Variants in EYA2 observed in about 807,000 individuals in gnomAD.
The protein encoded by EYA2 is EYA transcriptional coactivator and phosphatase 2.
EYA2 carries 31 observed loss-of-function variants against 69.2 expected under a neutral mutation model. That is an observed-to-expected ratio of 0.45 (90% CI 0.34 to 0.60). The LOEUF (loss-of-function observed/expected upper bound fraction) is 0.60. Among genes scored for constraint, EYA2 ranks in the 20% least tolerant of loss-of-function variants. The pLI is 0.02. For synonymous variants in EYA2, 257 were observed against 279.4 expected, an observed-to-expected ratio of 0.92 and a Z score of 0.80; for missense variants, 622 against 701.2, an observed-to-expected ratio of 0.89 and a Z score of 1.28.
intron 9 of EYA2, among the ~76,000 whole-genome samples, chr20:47,105,492 G>A (rs1183750775): frequency 2.6e-5 from 4 of 152,100 alleles, no homozygotes; most frequent in Non-Finnish European, 5.9e-5. Context: ...GGGCATGATG[G>A]CAGGCACCTG....
chr20:46,931,344 AG>A (rs1394477379), intron 1 of EYA2, among the ~76,000 whole-genome samples: 2 of 152,092 alleles, frequency 1.3e-5, no homozygotes, highest in Non-Finnish European at 2.9e-5. Context: ...GTCTTAGAGG[AG>A]GGGCTGGTGT....
At chr20:46,900,269 G>C (rs779670254) in intron 1 of EYA2, among the ~76,000 whole-genome samples, 3 of 152,172 alleles carry the variant, frequency 2.0e-5, no homozygotes, top group Non-Finnish European at 2.9e-5. Context: ...AGGAACTGGA[G>C]GGTTTGACTA....
At chr20:46,950,299 G>A (rs1296632073) in intron 1 of EYA2, among the ~76,000 whole-genome samples, 2 of 152,184 alleles carry the variant, frequency 1.3e-5, no homozygotes, top group South Asian at 2.1e-4. Flanking sequence ...TCCCCTCTCA[G>A]ACAGAGACTC....
chr20:47,094,252 T>C (rs544198941), intron 8 of EYA2, among the ~76,000 whole-genome samples: 1 of 152,344 alleles, frequency 6.6e-6, no homozygotes, highest in South Asian at 2.1e-4. Context: ...TACTGAAATT[T>C]CTAAATTTAA....
chr20:47,001,208 C>T (rs777675833), intron 2 of EYA2, among the ~76,000 whole-genome samples: 14 of 151,992 alleles, frequency 9.2e-5, no homozygotes, highest in Non-Finnish European at 1.6e-4. Flanking sequence ...GTCATTTTTC[C>T]TTAACTGCAC....
intron 5 of EYA2, among the ~76,000 whole-genome samples, chr20:47,042,754 T>C (rs1036163154): frequency 6.6e-6 from 1 of 152,176 alleles, no homozygotes; most frequent in Admixed American, 6.5e-5. Flanking sequence ...ATGCCTCTTA[T>C]CACCTCATGG....
At chr20:47,119,417 T>C (rs2146555132) in intron 9 of EYA2, among the ~76,000 whole-genome samples, 1 of 152,270 alleles carries the variant, frequency 6.6e-6, no homozygotes, top group Non-Finnish European at 1.5e-5. Flanking sequence ...AAATATGCAG[T>C]CTCGGAGTGG....
At chr20:47,159,037 A>G (rs888757920) in intron 10 of EYA2, among the ~76,000 whole-genome samples, 4 of 152,082 alleles carry the variant, frequency 2.6e-5, no homozygotes, top group African/African-American at 9.6e-5. Flanking sequence ...TTGCATAAAT[A>G]AATAAGTGGG....
chr20:46,933,780 C>T (rs968744913), intron 1 of EYA2, among the ~76,000 whole-genome samples: 2 of 152,222 alleles, frequency 1.3e-5, no homozygotes, highest in Non-Finnish European at 2.9e-5. Context: ...GTGCTTTAGT[C>T]TTGCCTATGG....
intron 4 of EYA2, among the ~76,000 whole-genome samples, chr20:47,009,457 C>G (rs1219793601): frequency 6.6e-6 from 1 of 152,068 alleles, no homozygotes; most frequent in African/African-American, 2.4e-5. Context: ...ATTTTTTTCT[C>G]AATTTATTAT....
intron 1 of EYA2, among the ~76,000 whole-genome samples, chr20:46,986,726 G>A (rs909749778): frequency 2.6e-5 from 4 of 152,174 alleles, no homozygotes; most frequent in Non-Finnish European, 4.4e-5. Context: ...GTAACAGAAG[G>A]CGCAAGAGAG....
intron 10 of EYA2, among the ~76,000 whole-genome samples, chr20:47,156,033 C>CA (rs1295526418): frequency 5.2e-4 from 58 of 111,150 alleles, no homozygotes; most frequent in African/African-American, 2.1e-3. Context: ...TATATATATA[C>CA]ATACACACAC....
chr20:47,100,379 G>A (rs912226296), intron 9 of EYA2, among the ~76,000 whole-genome samples: 1 of 152,302 alleles, frequency 6.6e-6, no homozygotes, highest in African/African-American at 2.4e-5. Flanking sequence ...CCCTCTTAGG[G>A]GGGGTGGACA....
In EYA2 at chr20:47,023,642, T is replaced by TTTTG. The variant is rs778887131; in HGVS notation, c.415+7348_415+7349insGTTT. ...AGTTTGATTTTGGGTGTTTTTTTTT[T>TTTTG]TTTTTTTTTTTTGAAGACAGAGCCT... On this transcript the variant is annotated intron_variant, in intron 5 of 15. Coordinates refer to ENST00000327619, the MANE Select transcript of EYA2 (RefSeq NM_005244.5). 2.5e-3 allele frequency among the ~76,000 whole-genome samples: 227 copies of TTTTG among 92,180 alleles called. 1 individual carries two copies. The highest frequency in any genetic ancestry group is 4.4e-3 in the Non-Finnish European group (149 of 33,920). The allele number at this position is 92,180 out of a possible 152,430, so 60.5% of individuals were successfully genotyped here.
chr20:47,157,981 G>A (rs2033990118), intron 10 of EYA2, among the ~76,000 whole-genome samples: 1 of 151,940 alleles, frequency 6.6e-6, no homozygotes, highest in Non-Finnish European at 1.5e-5. Context: ...ATGACAAATG[G>A]ACAAATTGCG....
intron 7 of EYA2, among the ~76,000 whole-genome samples, chr20:47,086,142 TTC>T (rs764593761): frequency 6.6e-6 from 1 of 152,236 alleles, no homozygotes; most frequent in Non-Finnish European, 1.5e-5. Context: ...TATTAGTCTG[TTC>T]TCTCATTGCT....
intron 9 of EYA2, among the ~76,000 whole-genome samples, chr20:47,098,531 A>AT (rs1180832133): frequency 6.6e-6 from 1 of 152,050 alleles, no homozygotes; most frequent in Non-Finnish European, 1.5e-5. Context: ...CTTGGGTATG[A>AT]TTTTTGTATC....
At chr20:47,152,721 G>A (rs1307291353) in intron 10 of EYA2, among the ~76,000 whole-genome samples, 1 of 151,014 alleles carries the variant, frequency 6.6e-6, no homozygotes, top group Non-Finnish European at 1.5e-5. Flanking sequence ...TGAGGCACGA[G>A]AATCACTCGA....
chr20:47,167,326 G>T (rs1389697168), intron 10 of EYA2, among the ~76,000 whole-genome samples: 121 of 130,890 alleles, frequency 9.2e-4, no homozygotes, highest in Non-Finnish European at 7.7e-5. Context: ...CTGTCGCCCA[G>T]GCTGGCGTGC....
Sources: allele counts gnomAD v4.1 joint callset (sites outside exome capture counted in the v4.1 genomes callset), GRCh38; gene constraint gnomAD v4.1.1; transcripts MANE v1.5; gene names NCBI Gene and HGNC (gene_info 2026-07-23, HGNC 2026-07-21).